FGD4: variants seen among roughly 807,000 people sequenced by gnomAD.
FGD4 encodes the protein FYVE, RhoGEF and PH domain containing 4, also known as FYVE, RhoGEF and PH domain-containing protein 4.
In FGD4, 42 loss-of-function variants were observed where a neutral mutation model predicts 102.0. That is an observed-to-expected ratio of 0.41 (90% CI 0.32 to 0.53). The LOEUF is 0.53. Among genes scored for constraint, FGD4 ranks in the 20% least tolerant of loss-of-function variants. The pLI is 0.21. For synonymous variants in FGD4, 380 were observed against 375.7 expected (o/e 1.01, Z -0.13); for missense variants, 902 against 1,078.2 (o/e 0.84, Z 2.29).
chr12:32,534,211 C>G (rs1332306185), intron 1 of FGD4: 2 of 909,142 alleles, frequency 2.2e-6, no homozygotes, highest in Non-Finnish European at 2.9e-6. Context: ...TCTCTGTGCT[C>G]ATACACTCCC....
intron 1 of FGD4, among the ~76,000 whole-genome samples, chr12:32,416,709 C>T (rs557887238): frequency 5.9e-4 from 90 of 152,152 alleles, no homozygotes; most frequent in African/African-American, 2.0e-3. Context: ...TGTCTTATTG[C>T]ACTGTCTATA....
chr12:32,634,063 T>C (rs1423074612), intron 15 of FGD4, among the ~76,000 whole-genome samples: 2 of 152,236 alleles, frequency 1.3e-5, no homozygotes, highest in Non-Finnish European at 2.9e-5. Flanking sequence ...TTTGAGTGTT[T>C]AACAATTTGT....
At chr12:32,445,590 A>G (rs911165730) in intron 1 of FGD4, among the ~76,000 whole-genome samples, 4 of 152,234 alleles carry the variant, frequency 2.6e-5, no homozygotes, top group Non-Finnish European at 5.9e-5. Context: ...ATTGCATTTC[A>G]TCAATGGGCC....
chr12:32,517,116 G>T (rs1162405335), intron 1 of FGD4, among the ~76,000 whole-genome samples: 3 of 152,160 alleles, frequency 2.0e-5, no homozygotes, highest in Non-Finnish European at 4.4e-5. Flanking sequence ...CTTGTTTTGG[G>T]TGCCAGAGTA....
intron 3 of FGD4, among the ~76,000 whole-genome samples, chr12:32,579,049 T>TG (rs1555208410): frequency 4.3e-5 from 6 of 140,128 alleles, no homozygotes; most frequent in Admixed American, 2.9e-4. Context: ...GTTTTTTTTT[T>TG]TTTTTTTTTT....
intron 1 of FGD4, among the ~76,000 whole-genome samples, chr12:32,418,476 C>A (rs2136411374): frequency 6.6e-6 from 1 of 152,172 alleles, no homozygotes; most frequent in Non-Finnish European, 1.5e-5. Flanking sequence ...GAGGTACCAC[C>A]TTGATGATCT....
intron 1 of FGD4, among the ~76,000 whole-genome samples, chr12:32,551,123 C>A (rs1048771517): frequency 1.3e-5 from 2 of 152,122 alleles, no homozygotes; most frequent in Non-Finnish European, 2.9e-5. Flanking sequence ...AGGCATTGGG[C>A]AGTGAAGCTA....
intron 3 of FGD4, among the ~76,000 whole-genome samples, chr12:32,580,391 A>G (rs1592288255): frequency 6.6e-6 from 1 of 152,082 alleles, no homozygotes; most frequent in Admixed American, 6.5e-5. Context: ...TGGTTATTCA[A>G]AGTTCATCAA....
At chr12:32,461,765 C>T (rs958531919) in intron 1 of FGD4, among the ~76,000 whole-genome samples, 3 of 152,128 alleles carry the variant, frequency 2.0e-5, no homozygotes, top group Non-Finnish European at 4.4e-5. Flanking sequence ...CTTGCTCTGT[C>T]GCCGAGGCTG....
Position 32,590,272 on chromosome 12 carries a change from C to T in FGD4, c.1011+7805C>T, listed in dbSNP as rs531635613. 2.8e-4 allele frequency among the ~76,000 whole-genome samples: 41 copies of T among 146,560 alleles called. No homozygotes were observed. The East Asian group carries it at 5.0e-3, about 18-fold the overall frequency. ...TTGCAGTGAGCCGAGATCGCGCCAT[C>T]GCACTCCAGCCTGGGGGACAAGAGT... is the stretch of plus-strand genomic sequence containing the variant. On this transcript the variant is annotated intron_variant, in intron 4 of 16. Transcript: ENST00000534526.
chr12:32,561,261 AT>A (rs1944563860), intron 1 of FGD4, among the ~76,000 whole-genome samples: 1 of 151,088 alleles, frequency 6.6e-6, no homozygotes, highest in Non-Finnish European at 1.5e-5. Flanking sequence ...TAATTTTTGT[AT>A]TTTTAGTAGA....
intron 1 of FGD4, among the ~76,000 whole-genome samples, chr12:32,419,581 G>A (rs1354546140): frequency 6.6e-6 from 1 of 152,158 alleles, no homozygotes; most frequent in East Asian, 1.9e-4. Flanking sequence ...TGTCTTAGTA[G>A]GTTGTGTGCC....
chr12:32,426,893 G>A (rs768399193), intron 1 of FGD4, among the ~76,000 whole-genome samples: 53 of 152,064 alleles, frequency 3.5e-4, no homozygotes, highest in Non-Finnish European at 6.5e-4. Context: ...TTGTATTTCT[G>A]TGGGATCAGT....
intron 1 of FGD4, among the ~76,000 whole-genome samples, chr12:32,526,804 C>A (rs1345382043): frequency 1.3e-5 from 2 of 152,304 alleles, no homozygotes; most frequent in African/African-American, 4.8e-5. Flanking sequence ...GAGGAACGAA[C>A]AACTCCAGAT....
chr12:32,590,592 C>T (rs572572911), intron 4 of FGD4, among the ~76,000 whole-genome samples: 16 of 152,278 alleles, frequency 1.1e-4, no homozygotes, highest in Non-Finnish European at 1.5e-4. Context: ...TTGGTTTTCA[C>T]AGACCCGGGT....
chr12:32,431,678 C>T (rs1160076782), intron 1 of FGD4, among the ~76,000 whole-genome samples: 3 of 151,610 alleles, frequency 2.0e-5, no homozygotes, highest in Non-Finnish European at 4.4e-5. Context: ...GAGGCTGAGG[C>T]GGGTAGATCA....
intron 1 of FGD4, among the ~76,000 whole-genome samples, chr12:32,527,950 CCTTTTTCTTTTTT>C (rs1027277495): frequency 1.3e-5 from 2 of 151,642 alleles, no homozygotes; most frequent in Admixed American, 6.6e-5. Flanking sequence ...GATAAAATTT[CCTTTTTCTTTTTT>C]CTTTTTCTTT....
At chr12:32,598,649 A>ATTATT in intron 5 of FGD4, 63 bp downstream of exon 5, 1 of 1,366,384 alleles carries the variant, frequency 7.3e-7, no homozygotes, top group Non-Finnish European at 1.0e-6. Context: ...TAACCTAGTA[A>ATTATT]TTAGAGTATT....
intron 1 of FGD4, among the ~76,000 whole-genome samples, chr12:32,488,964 C>T (rs567149025): frequency 6.6e-6 from 1 of 152,226 alleles, no homozygotes; most frequent in South Asian, 2.1e-4. Context: ...AGATTTCTTA[C>T]AGAACCTATA....
Sources: allele counts gnomAD v4.1 joint callset (sites outside exome capture counted in the v4.1 genomes callset), GRCh38; gene constraint gnomAD v4.1.1; transcripts MANE v1.5; gene names NCBI Gene and HGNC (gene_info 2026-07-23, HGNC 2026-07-21).